SND1: variants seen among roughly 807,000 people sequenced by gnomAD.
SND1 encodes the protein staphylococcal nuclease domain-containing protein 1.
Under a neutral mutation model 121.7 loss-of-function variants are expected in SND1, and 38 were observed. The ratio of observed to expected loss-of-function variants is 0.31; its 90% CI spans 0.24 to 0.41. The LOEUF is 0.41. Among genes scored for constraint, SND1 ranks in the 10% least tolerant of loss-of-function variants. The probability of loss-of-function intolerance (pLI) is 1.00; values close to 1 mark genes in which losing one functional copy is unlikely to be tolerated. For missense variants in SND1, 868 were observed against 1,184.6 expected (o/e 0.73, Z 3.92); for synonymous variants, 401 against 447.4 (o/e 0.90, Z 1.31).
chr7:127,964,696 C>T (rs887979111), intron 15 of SND1, among the ~76,000 whole-genome samples: 9 of 150,338 alleles, frequency 6.0e-5, no homozygotes, highest in Non-Finnish European at 8.9e-5. Context: ...CGTGATGCCT[C>T]CAGCTTTGTT....
At chr7:127,793,707 C>A (rs750127404) in intron 10 of SND1, among the ~76,000 whole-genome samples, 3 of 152,122 alleles carry the variant, frequency 2.0e-5, no homozygotes, top group Non-Finnish European at 4.4e-5. Context: ...CAGATCAAGG[C>A]ACCAGTCTCA....
intron 14 of SND1, among the ~76,000 whole-genome samples, chr7:127,909,982 A>T (rs1251356765): frequency 1.3e-5 from 2 of 152,088 alleles, no homozygotes; most frequent in African/African-American, 4.8e-5. Flanking sequence ...TCTGCTCCTG[A>T]CCTCTGCCTT....
intron 10 of SND1, among the ~76,000 whole-genome samples, chr7:127,737,557 A>G (rs1293473020): frequency 6.6e-6 from 1 of 152,190 alleles, no homozygotes; most frequent in East Asian, 1.9e-4. Flanking sequence ...CCTGGGCGAT[A>G]AGAATGAGAC....
chr7:128,045,583 A>G (rs141756097), intron 16 of SND1, among the ~76,000 whole-genome samples: 16 of 152,348 alleles, frequency 1.1e-4, no homozygotes, highest in African/African-American at 3.8e-4. Flanking sequence ...GTAAAGACTC[A>G]TGGGTCACTT....
intron 11 of SND1, among the ~76,000 whole-genome samples, chr7:127,819,785 G>A (rs1798514727): frequency 6.6e-6 from 1 of 152,174 alleles, no homozygotes; most frequent in African/African-American, 2.4e-5. Flanking sequence ...GGTTCCAAAA[G>A]TTTAATCTTT....
At chr7:127,879,864 T>G (rs1799757715) in intron 12 of SND1, among the ~76,000 whole-genome samples, 1 of 152,144 alleles carries the variant, frequency 6.6e-6, no homozygotes, top group Admixed American at 6.6e-5. Context: ...TTTATAAGAT[T>G]TTATCACAGG....
At chr7:127,779,614 A>G (rs955965043) in intron 10 of SND1, among the ~76,000 whole-genome samples, 1 of 152,192 alleles carries the variant, frequency 6.6e-6, no homozygotes, top group Non-Finnish European at 1.5e-5. Context: ...GACGTTTCTA[A>G]TATGCAGGTC....
intron 2 of SND1, 102 bp from the exon 3 acceptor site, chr7:127,694,726 G>GGTA (rs1459511022): frequency 1.4e-6 from 2 of 1,384,170 alleles, no homozygotes; most frequent in Non-Finnish European, 2.0e-6. Flanking sequence ...CCAGGACCAT[G>GGTA]GTAGGTACTC....
At chr7:127,779,135 G>T (rs543399156) in intron 10 of SND1, among the ~76,000 whole-genome samples, 3 of 152,250 alleles carry the variant, frequency 2.0e-5, no homozygotes, top group Admixed American at 6.5e-5. Context: ...TTGCACTATG[G>T]GGGGGATTGT....
chr7:128,043,863 TACACACACACACAC>T (rs10591985), intron 16 of SND1, among the ~76,000 whole-genome samples: 3 of 149,680 alleles, frequency 2.0e-5, no homozygotes, highest in East Asian at 2.0e-4. Context: ...TATACACATA[TACACACACACACAC>T]ACACACACAC....
intron 16 of SND1, among the ~76,000 whole-genome samples, chr7:127,993,114 G>A (rs1319931502): frequency 1.3e-5 from 2 of 152,108 alleles, no homozygotes; most frequent in African/African-American, 4.8e-5. Context: ...TCTTTACACT[G>A]AGAAAATGTG....
intron 15 of SND1, among the ~76,000 whole-genome samples, chr7:127,959,202 G>T (rs1215099704): frequency 1.3e-5 from 2 of 152,136 alleles, no homozygotes; most frequent in African/African-American, 4.8e-5. Context: ...TGAGGAAACG[G>T]GATAAACAAT....
At chr7:128,004,808 T>G (rs1469591969) in intron 16 of SND1, among the ~76,000 whole-genome samples, 1 of 152,250 alleles carries the variant, frequency 6.6e-6, no homozygotes, top group Non-Finnish European at 1.5e-5. Context: ...GTTTGCAATC[T>G]TGCCTGTGTG....
intron 14 of SND1, among the ~76,000 whole-genome samples, chr7:127,915,867 G>A (rs1011469613): frequency 2.6e-5 from 4 of 152,234 alleles, no homozygotes; most frequent in Non-Finnish European, 4.4e-5. Flanking sequence ...TTGCTGCAAT[G>A]TGAGGATAGT....
intron 11 of SND1, among the ~76,000 whole-genome samples, chr7:127,841,696 T>C (rs749168813): frequency 6.6e-6 from 1 of 152,130 alleles, no homozygotes; most frequent in African/African-American, 2.4e-5. Context: ...GCCCTTTTTT[T>C]GGCCTATATT....
rs547674420 is a variant in SND1 at position 127,684,138 on chromosome 7, A to G, written c.79-2475A>G. Among the ~76,000 whole-genome samples, 4 of 152,298 alleles carry G rather than the reference A, an allele frequency of 2.6e-5. No individual in the cohort carries two copies. In the South Asian group the frequency reaches 6.2e-4, roughly 24 times the overall value. The stretch of plus-strand genomic sequence containing the variant: ...CAGTCCCTCTGTTCTTGAGCTTCTC[A>G]GTTTGATTTGTCAGGCTTGAGAAAC... On this transcript the variant is annotated intron_variant, in intron 1 of 23. Coordinates refer to ENST00000354725, the MANE Select transcript of SND1 (RefSeq NM_014390.4).
intron 10 of SND1, among the ~76,000 whole-genome samples, chr7:127,733,132 T>C (rs1796709639): frequency 6.6e-6 from 1 of 152,158 alleles, no homozygotes; most frequent in African/African-American, 2.4e-5. Flanking sequence ...ATTATTACTG[T>C]CTTGGTGTTG....
At chr7:127,850,052 C>T (rs1799136747) in intron 12 of SND1, among the ~76,000 whole-genome samples, 1 of 152,224 alleles carries the variant, frequency 6.6e-6, no homozygotes, top group Non-Finnish European at 1.5e-5. Context: ...AAGAATAAGA[C>T]TGCCTTTGCT....
chr7:127,958,116 A>G (rs558946174), intron 15 of SND1, among the ~76,000 whole-genome samples: 1 of 152,348 alleles, frequency 6.6e-6, no homozygotes, highest in South Asian at 2.1e-4. Flanking sequence ...TATATGAAAC[A>G]AAAGGCCAGT....
Sources: gnomAD v4.1 joint callset for allele counts (sites outside exome capture counted in the v4.1 genomes callset) on GRCh38, gnomAD v4.1.1 for gene constraint, MANE v1.5 for transcripts, NCBI Gene and HGNC (gene_info 2026-07-23, HGNC 2026-07-21) for gene names.